APLP2: variants seen among roughly 807,000 people sequenced by gnomAD.
The protein encoded by APLP2 is amyloid beta precursor like protein 2.
APLP2 carries 53 observed loss-of-function variants against 89.9 expected under a neutral mutation model. The ratio of observed to expected loss-of-function variants is 0.59; its 90% confidence interval spans 0.47 to 0.74. APLP2 has a LOEUF of 0.74. Among genes scored for constraint, APLP2 ranks in the 30% least tolerant of loss-of-function variants. The probability of loss-of-function intolerance (pLI) is 0.00; values close to 1 mark genes in which losing one functional copy is unlikely to be tolerated. For synonymous variants in APLP2, 372 were observed against 348.6 expected, an observed-to-expected ratio of 1.07 and a Z score of -0.75; for missense variants, 973 against 975.9, an observed-to-expected ratio of 1.00 and a Z score of 0.04.
At chr11:130,106,421 C>T (rs1947765298) in intron 1 of APLP2, among the ~76,000 whole-genome samples, 1 of 152,206 alleles carries the variant, frequency 6.6e-6, no homozygotes, top group Non-Finnish European at 1.5e-5. Context: ...CACTCATTTC[C>T]TTTCAGTCGG....
At chr11:130,088,744 TTTC>T (rs1944472441) in intron 1 of APLP2, among the ~76,000 whole-genome samples, 1 of 152,066 alleles carries the variant, frequency 6.6e-6, no homozygotes, top group African/African-American at 2.4e-5. Flanking sequence ...TGTCCTTTTT[TTTC>T]TTTTGATATT....
intron 1 of APLP2, among the ~76,000 whole-genome samples, chr11:130,102,193 G>T (rs375653572): frequency 1.6e-4 from 25 of 152,158 alleles, no homozygotes; most frequent in Middle Eastern, 3.4e-3. Flanking sequence ...GTACTTCAGC[G>T]CTTGAACAAA....
intron 1 of APLP2, chr11:130,070,711 T>G: frequency 6.8e-7 from 1 of 1,477,352 alleles, no homozygotes; most frequent in East Asian, 3.0e-5. Context: ...AGTGGCGCTG[T>G]TTGCCTGCGT....
rs1326144194 is a variant in APLP2 at position 130,070,953 on chromosome 11, C to T, written c.105+871C>T. Reference sequence around the variant, plus strand: ...AGGCCGCGGGAGGGGGCGGGGGCGGCGGGGTCCGCGGTGCGGGCCGGAGCG... The same window carrying T: ...AGGCCGCGGGAGGGGGCGGGGGCGGTGGGGTCCGCGGTGCGGGCCGGAGCG... On this transcript the variant is annotated intron_variant, in intron 1 of 16. Coordinates refer to ENST00000338167, the MANE Select transcript of APLP2 (RefSeq NM_001142276.2). Among the ~76,000 whole-genome samples the T allele has an allele frequency of 1.3e-4, 18 of 139,918 alleles. No homozygotes were observed. The South Asian group carries it at 4.7e-3, about 36-fold the overall frequency. 91.8% of individuals were successfully genotyped at this position (139,918 alleles called of 152,430 possible). A position where few individuals can be genotyped will look rare whatever the true frequency, so the allele number is the denominator to read the frequency against.
In APLP2 at chr11:130,076,868, C is replaced by T. The variant is rs368932848; in HGVS notation, c.105+6786C>T. Reference sequence around the variant, plus strand: ...CTGGATAGAAGTGTATCAGATGCTTCTAGCCAAAGCAAGCCTTGGCAAGGG... The same window carrying T: ...CTGGATAGAAGTGTATCAGATGCTTTTAGCCAAAGCAAGCCTTGGCAAGGG... On this transcript the variant is annotated intron_variant, in intron 1 of 16. Transcript: ENST00000338167. 1.8e-3 allele frequency among the ~76,000 whole-genome samples: 279 copies of T among 152,314 alleles called. 1 individual carries two copies. Among genetic ancestry groups the T allele is most frequent in the Middle Eastern group, 0.01 (3 of 294 alleles).
At position 130,106,542 on chromosome 11, in the gene APLP2, C is replaced by T. The variant is rs775621992; in HGVS notation, c.106-2887C>T. On this transcript the variant is annotated intron_variant, in intron 1 of 16. Transcript: ENST00000338167. ...GTAAGGACTGAAGTCCTTTCTTGGT[C>T]TGCAGACTCTTGTCCCGGCATGCCT... 6.2e-4 allele frequency among the ~76,000 whole-genome samples: 95 copies of T among 152,186 alleles called. 4 individuals are homozygous for T. Among genetic ancestry groups the T allele is most frequent in the Non-Finnish European group, 1.5e-4 (10 of 68,040 alleles).
rs571265585 is a variant in APLP2, at chr11:130,115,034, G to A, written c.403+4373G>A. 3.2e-4 allele frequency among the ~76,000 whole-genome samples: 49 copies of A among 151,958 alleles called. No homozygotes were observed. The South Asian group carries it at 9.8e-3, about 30-fold the overall frequency. ...GAATGTTCCACTCTCGAGAGGTAGC[G>A]TGGATCCTTCACTTCTCTGAACCCT... On this transcript the variant is annotated intron_variant, in intron 3 of 16. Transcript: ENST00000338167.
At chr11:130,110,494 G>A (rs1268889838) in intron 2 of APLP2, 44 bp from the exon 3 acceptor site, 1 of 1,606,294 alleles carries the variant, frequency 6.2e-7, no homozygotes, top group East Asian at 2.2e-5. Context: ...GTGTGTGTCT[G>A]TCTGCAGATT....
chr11:130,076,249 A>G (rs1447012636), intron 1 of APLP2, among the ~76,000 whole-genome samples: 9 of 151,818 alleles, frequency 5.9e-5, no homozygotes, highest in Admixed American at 5.9e-4. Flanking sequence ...TAATTTTTAT[A>G]TTTTTAGTAG....
intron 1 of APLP2, among the ~76,000 whole-genome samples, chr11:130,091,536 CG>C (rs1357906439): frequency 2.8e-3 from 371 of 134,222 alleles, no homozygotes; most frequent in Admixed American, 0.021. Flanking sequence ...GCTGGCCGGG[CG>C]GGGGGCTGAC....
chr11:130,075,744 G>A (rs1254594700), intron 1 of APLP2, among the ~76,000 whole-genome samples: 1 of 152,188 alleles, frequency 6.6e-6, no homozygotes, highest in East Asian at 1.9e-4. Context: ...CACCCAGCTC[G>A]ACCAGGGGAA....
At chr11:130,072,135 C>T (rs1591747805) in intron 1 of APLP2, among the ~76,000 whole-genome samples, 1 of 152,314 alleles carries the variant, frequency 6.6e-6, no homozygotes, top group East Asian at 1.9e-4. Context: ...AGAAAAAGCT[C>T]ACCTCTGGAC....
intron 1 of APLP2, among the ~76,000 whole-genome samples, chr11:130,091,816 G>A (rs1216672455): frequency 6.7e-6 from 1 of 149,930 alleles, no homozygotes; most frequent in African/African-American, 2.5e-5. Context: ...TCGGGCGGGG[G>A]GCTGACCCCC....
chr11:130,135,688 C>G lies in APLP2; in HGVS notation c.1810C>G (p.Pro604Ala), dbSNP rs1292579803. Residue 604 changes from proline (P) to alanine (A), a missense_variant, in exon 13 of 17, where the codon CCC becomes GCC. Coordinates refer to ENST00000338167, the MANE Select transcript of APLP2 (RefSeq NM_001142276.2). Reference protein sequence around the residue: ...EEIPPFHPFHPFPALPENEGS... With the variant: ...EEIPPFHPFHAFPALPENEGS... ...GATCCCACCGTTCCACCCCTTCCAC[C>G]CCTTCCCAGCCCTACCTGAGAACGA... 6.2e-7 allele frequency: 1 copy of G among 1,614,004 alleles called. No homozygotes were observed. The highest frequency in any genetic ancestry group is 8.5e-7 in the Non-Finnish European group (1 of 1,180,022).
intron 1 of APLP2, among the ~76,000 whole-genome samples, chr11:130,080,700 T>C (rs1942985324): frequency 6.7e-6 from 1 of 148,170 alleles, no homozygotes; most frequent in Non-Finnish European, 1.5e-5. Context: ...TATCTTTCTT[T>C]TTTTTTTTTT....
rs1952408511 is a variant in APLP2, at chr11:130,141,646, A to G, written c.1998+74A>G. 2 of 1,379,996 alleles carry G rather than the reference A, an allele frequency of 1.4e-6. No homozygotes were observed. The highest frequency in any genetic ancestry group is 2.3e-5 in the East Asian group (1 of 43,464). 85.5% of individuals were successfully genotyped at this position (1,379,996 alleles called of 1,614,324 possible). A position where few individuals can be genotyped will look rare whatever the true frequency, so the allele number is the denominator to read the frequency against. On this transcript the variant is annotated intron_variant, in intron 15 of 16. Coordinates refer to ENST00000338167, the MANE Select transcript of APLP2 (RefSeq NM_001142276.2). This position sits in a 1 kb window ranked among gnomAD's most constrained non-coding sequence, Gnocchi z 4.2. ...TTCTCCTCTGGACCTTCTCAGTTCA[A>G]GTAGAAAACGGGAGAGATGCCTGAG...
chr11:130,106,250 TTCC>T (rs371883421), intron 1 of APLP2, among the ~76,000 whole-genome samples: 77 of 152,312 alleles, frequency 5.1e-4, no homozygotes, highest in African/African-American at 1.8e-3. Flanking sequence ...AACTTGAACC[TTCC>T]TCTTCCTCAT....
intron 1 of APLP2, among the ~76,000 whole-genome samples, chr11:130,106,027 G>A (rs1309198458): frequency 1.3e-5 from 2 of 152,176 alleles, no homozygotes; most frequent in African/African-American, 4.8e-5. Context: ...TCTCGTGCAT[G>A]TCTGCAGGAG....
rs754889842 is a variant in APLP2 at position 130,120,777 on chromosome 11, G to T, written c.475G>T (p.Val159Leu). Residue 159 changes from valine (V) to leucine (L), a missense_variant, in exon 4 of 17, where the codon GTG becomes TTG. Transcript: ENST00000338167. Reference sequence around the variant, plus strand: ...GTTTTTCCACAAAGAGCGGATGGAGGTGTGTGAGAATCACCAGCACTGGCA... The same window carrying T: ...GTTTTTCCACAAAGAGCGGATGGAGTTGTGTGAGAATCACCAGCACTGGCA... Reference protein sequence around the residue: ...CQFFHKERMEVCENHQHWHTV... With the variant: ...CQFFHKERMELCENHQHWHTV... The T allele has an allele frequency of 6.2e-7, 1 of 1,613,950 alleles. No individual in the cohort carries two copies. Among genetic ancestry groups the T allele is most frequent in the Non-Finnish European group, 8.5e-7 (1 of 1,179,884 alleles).
Sources: gnomAD v4.1 joint callset for allele counts (sites outside exome capture counted in the v4.1 genomes callset) on GRCh38, gnomAD v4.1.1 for gene constraint, Gnocchi (gnomAD v3.1) non-coding constraint, MANE v1.5 for transcripts, NCBI Gene and HGNC (gene_info 2026-07-23, HGNC 2026-07-21) for gene names.